The following PRDM11 variants were observed in gnomAD, a reference collection of about 807,000 sequenced individuals.
PRDM11 encodes PR domain-containing protein 11.
PRDM11 carries 20 observed loss-of-function variants against 97.8 expected under a neutral mutation model. The ratio of observed to expected loss-of-function variants is 0.20; its 90% CI spans 0.14 to 0.30. The LOEUF (loss-of-function observed/expected upper bound fraction) is 0.30. PRDM11 is among the 10% of genes least tolerant of loss of function. PRDM11 has a pLI of 1.00. For missense variants in PRDM11, 1,139 were observed against 1,555.2 expected (o/e 0.73, Z 4.50); for synonymous variants, 599 against 637.7 (o/e 0.94, Z 0.91).
intron 1 of PRDM11, among the ~76,000 whole-genome samples, chr11:45,155,901 C>T (rs1039844304): frequency 1.3e-5 from 2 of 152,102 alleles, no homozygotes; most frequent in African/African-American, 4.8e-5. Flanking sequence ...GGGCATGTTC[C>T]ATTCAACCCT....
Position 45,234,753 on chromosome 11 carries a change from C to T in PRDM11, c.*6594C>T, listed in dbSNP as rs1360016067. 1 of 152,326 alleles carries T rather than the reference C, an allele frequency of 6.6e-6. No homozygotes were observed. Among genetic ancestry groups the T allele is most frequent in the East Asian group, 1.9e-4 (1 of 5,186 alleles). The allele number at this position is 152,326 out of a possible 1,614,324, so 9.4% of individuals were successfully genotyped here. A position where few individuals can be genotyped will look rare whatever the true frequency, so the allele number is the denominator to read the frequency against. On this transcript the variant is annotated 3_prime_UTR_variant, in exon 8 of 8. Transcript: ENST00000683152. ...CACCTCTCAGTCTTCACTTTTGTCT[C>T]TCCGGAAGAACCAGCAGTCTGATTC... is the stretch of plus-strand genomic sequence containing the variant.
At chr11:45,182,799 C>T in intron 3 of PRDM11, 62 bp from the exon 4 acceptor site, 3 of 1,504,922 alleles carry the variant, frequency 2.0e-6, no homozygotes, top group Non-Finnish European at 2.7e-6. Flanking sequence ...CTCTACCTCC[C>T]CCATGGGGGT....
chr11:45,170,750 G>A (rs530549918), intron 1 of PRDM11, among the ~76,000 whole-genome samples: 1 of 152,314 alleles, frequency 6.6e-6, no homozygotes, highest in African/African-American at 2.4e-5. Flanking sequence ...ACTGTGGGTG[G>A]GGAATGGACA....
chr11:45,226,583 G>T lies in PRDM11; in HGVS notation c.1958G>T (p.Arg653Leu). ...CGGGAAGACCTGGTGGAGCGCATCC[G>T]CCAGTCACCTTGCCTCAGCGTCATC... is the stretch of plus-strand genomic sequence containing the variant. ...ALREDLVERI[R>L]QSPCLSVILD... Residue 653 changes from arginine to leucine, a missense_variant, in exon 8 of 8, where the codon CGC becomes CTC. Arg to Leu is a moderately radical substitution (Grantham distance 102). Coordinates refer to ENST00000683152, the MANE Select transcript of PRDM11 (RefSeq NM_001384648.1). 6.5e-7 allele frequency: 1 copy of T among 1,533,918 alleles called. No homozygotes were observed. Among genetic ancestry groups the T allele is most frequent in the African/African-American group, 1.4e-5 (1 of 73,076 alleles).
intron 1 of PRDM11, among the ~76,000 whole-genome samples, chr11:45,178,442 C>T (rs77708779): frequency 0.026 from 3,935 of 152,234 alleles, 160 homozygotes; most frequent in African/African-American, 0.09. Context: ...CCATCCTACC[C>T]CCCAGTGCAC....
chr11:45,191,214 T>C (rs1238357492), intron 4 of PRDM11, among the ~76,000 whole-genome samples: 1 of 152,222 alleles, frequency 6.6e-6, no homozygotes, highest in African/African-American at 2.4e-5. Flanking sequence ...TGTCTGATTG[T>C]TTCTTCATGG....
intron 1 of PRDM11, among the ~76,000 whole-genome samples, chr11:45,140,988 A>G (rs1416458903): frequency 2.0e-5 from 3 of 152,096 alleles, no homozygotes; most frequent in Non-Finnish European, 4.4e-5. Context: ...CCAGAGTCCC[A>G]AGTTTGGAAA....
chr11:45,127,238 C>T (rs1023119194), intron 1 of PRDM11, among the ~76,000 whole-genome samples: 13 of 152,188 alleles, frequency 8.5e-5, no homozygotes, highest in Admixed American at 4.6e-4. Context: ...ATACATTCGT[C>T]TAATTTTTTT....
chr11:45,223,442 G>A (rs1854174128), intron 6 of PRDM11, among the ~76,000 whole-genome samples: 3 of 152,214 alleles, frequency 2.0e-5, no homozygotes, highest in Admixed American at 6.5e-5. Context: ...GCAAGGAAAC[G>A]TCCTTTGAAT....
intron 1 of PRDM11, among the ~76,000 whole-genome samples, chr11:45,154,472 G>T (rs879429172): frequency 1.1e-4 from 16 of 152,326 alleles, no homozygotes; most frequent in Middle Eastern, 6.8e-3. Context: ...AACAGACCCG[G>T]AGCCTCCGCT....
intron 1 of PRDM11, among the ~76,000 whole-genome samples, chr11:45,103,551 C>A (rs1590337846): frequency 6.6e-6 from 1 of 151,964 alleles, no homozygotes; most frequent in Non-Finnish European, 1.5e-5. Context: ...GGAAAAATAA[C>A]CCAAACTTAA....
At chr11:45,123,953 G>A (rs1414486967) in intron 1 of PRDM11, among the ~76,000 whole-genome samples, 5 of 143,408 alleles carry the variant, frequency 3.5e-5, no homozygotes, top group Non-Finnish European at 6.2e-5. Flanking sequence ...CCATTTTCAC[G>A]ATATTGATTC....
intron 4 of PRDM11, among the ~76,000 whole-genome samples, chr11:45,193,007 T>C (rs1280135589): frequency 1.3e-5 from 2 of 152,238 alleles, no homozygotes; most frequent in Non-Finnish European, 2.9e-5. Context: ...TGTACTTTTG[T>C]GTTCAGTGTG....
At chr11:45,102,389 C>T (rs1258329540) in intron 1 of PRDM11, among the ~76,000 whole-genome samples, 2 of 152,192 alleles carry the variant, frequency 1.3e-5, no homozygotes, top group Non-Finnish European at 2.9e-5. Flanking sequence ...GGAAAGCTGG[C>T]TTTCCCGGGG....
At chr11:45,131,725 A>G (rs1468175294) in intron 1 of PRDM11, among the ~76,000 whole-genome samples, 1 of 152,250 alleles carries the variant, frequency 6.6e-6, no homozygotes, top group Non-Finnish European at 1.5e-5. Flanking sequence ...AGCATGCTCA[A>G]AATAATACAA....
chr11:45,216,414 A>C (rs1853959348), intron 5 of PRDM11, among the ~76,000 whole-genome samples: 1 of 152,146 alleles, frequency 6.6e-6, no homozygotes, highest in Non-Finnish European at 1.5e-5. Flanking sequence ...CAGCCATGTA[A>C]TGAATGGAAC....
At chr11:45,134,349 G>A (rs1419760275) in intron 1 of PRDM11, among the ~76,000 whole-genome samples, 1 of 152,104 alleles carries the variant, frequency 6.6e-6, no homozygotes, top group Non-Finnish European at 1.5e-5. Flanking sequence ...TACAAAAAAA[G>A]TTATAGAGAC....
At chr11:45,212,049 G>C (rs917341631) in intron 5 of PRDM11, among the ~76,000 whole-genome samples, 1 of 152,200 alleles carries the variant, frequency 6.6e-6, no homozygotes, top group Non-Finnish European at 1.5e-5. Context: ...TTGTCATCTT[G>C]TTTATGACTC....
intron 6 of PRDM11, among the ~76,000 whole-genome samples, chr11:45,220,618 C>A (rs185114463): frequency 9.2e-5 from 14 of 152,314 alleles, no homozygotes; most frequent in African/African-American, 3.1e-4. Context: ...AAGTTCTGAC[C>A]TGCAATGTTA....
Sources: allele counts gnomAD v4.1 joint callset (sites outside exome capture counted in the v4.1 genomes callset), GRCh38; gene constraint gnomAD v4.1.1; transcripts MANE v1.5; gene names NCBI Gene and HGNC (gene_info 2026-07-23, HGNC 2026-07-21).